Variants in THSD7B observed in about 807,000 individuals in gnomAD.
THSD7B encodes the protein thrombospondin type-1 domain-containing protein 7B.
A neutral mutation model predicts 213.6 loss-of-function variants in THSD7B; 138 were observed. The ratio of observed to expected loss-of-function variants is 0.65; its 90% CI spans 0.56 to 0.74. THSD7B has a LOEUF of 0.74. THSD7B is among the 30% of genes least tolerant of loss of function. The pLI is 0.00. For synonymous variants in THSD7B, 742 were observed against 687.0 expected (o/e 1.08, Z -1.25); for missense variants, 1,931 against 1,991.5 (o/e 0.97, Z 0.58).
intron 27 of THSD7B, among the ~76,000 whole-genome samples, chr2:137,675,366 C>CA (rs1278521493): frequency 4.2e-5 from 6 of 141,870 alleles, no homozygotes; most frequent in South Asian, 2.2e-4. Context: ...TATGTGCAGA[C>CA]AAAAAATGTC....
At chr2:137,432,773 T>G (rs1687213594) in intron 14 of THSD7B, among the ~76,000 whole-genome samples, 1 of 152,232 alleles carries the variant, frequency 6.6e-6, no homozygotes, top group Admixed American at 6.5e-5. Flanking sequence ...CTTTTTAAGG[T>G]GGACTTCTAC....
intron 2 of THSD7B, among the ~76,000 whole-genome samples, chr2:136,933,771 C>T (rs942238687): frequency 1.3e-5 from 2 of 152,136 alleles, no homozygotes; most frequent in Non-Finnish European, 2.9e-5. Context: ...ACTATATTCT[C>T]TTTTCATATT....
chr2:136,805,582 C>CT (rs1682266292), intron 1 of THSD7B, among the ~76,000 whole-genome samples: 1 of 152,040 alleles, frequency 6.6e-6, no homozygotes, highest in Non-Finnish European at 1.5e-5. Context: ...CCATCCAGTT[C>CT]GGTTCTCTCT....
intron 1 of THSD7B, among the ~76,000 whole-genome samples, chr2:136,859,064 A>G (rs563062874): frequency 4.1e-4 from 63 of 152,304 alleles, no homozygotes; most frequent in Admixed American, 8.5e-4. Flanking sequence ...AGCTGAAAAG[A>G]TCAATGAACT....
intron 24 of THSD7B, among the ~76,000 whole-genome samples, chr2:137,657,520 C>A: frequency 6.6e-6 from 1 of 151,988 alleles, no homozygotes; most frequent in East Asian, 1.9e-4. Context: ...CAGTACTCAC[C>A]TGACATAAAA....
chr2:137,287,361 T>C (rs576267559), intron 12 of THSD7B, among the ~76,000 whole-genome samples: 1 of 152,272 alleles, frequency 6.6e-6, no homozygotes, highest in South Asian at 2.1e-4. Context: ...GGATGTGTTT[T>C]ATAACACCAG....
chr2:137,565,633 C>G (rs1055675109), intron 16 of THSD7B, among the ~76,000 whole-genome samples: 19 of 152,140 alleles, frequency 1.2e-4, no homozygotes, highest in Admixed American at 3.9e-4. Flanking sequence ...ATATTCAAAC[C>G]ATATCATTCT....
chr2:137,206,738 G>T (rs569630529), intron 7 of THSD7B, among the ~76,000 whole-genome samples: 30 of 152,146 alleles, frequency 2.0e-4, no homozygotes, highest in African/African-American at 7.0e-4. Context: ...TAAGGGCGAG[G>T]ATGCATTTTG....
At chr2:137,208,871 A>G (rs1423194646) in intron 7 of THSD7B, among the ~76,000 whole-genome samples, 1 of 152,082 alleles carries the variant, frequency 6.6e-6, no homozygotes, top group East Asian at 1.9e-4. Context: ...GATCTACAAT[A>G]GCAATGCTGT....
intron 3 of THSD7B, among the ~76,000 whole-genome samples, chr2:137,065,691 A>G (rs571264777): frequency 6.6e-6 from 1 of 151,856 alleles, no homozygotes; most frequent in Non-Finnish European, 1.5e-5. Context: ...CTTTCTTAGC[A>G]TATCAGTTAT....
intron 5 of THSD7B, among the ~76,000 whole-genome samples, chr2:137,124,153 T>C (rs1688593155): frequency 6.6e-6 from 1 of 152,214 alleles, no homozygotes; most frequent in Non-Finnish European, 1.5e-5. Context: ...CTGAGACTAG[T>C]GCATTTACAA....
intron 21 of THSD7B, among the ~76,000 whole-genome samples, chr2:137,646,927 T>G (rs1372807006): frequency 6.6e-6 from 1 of 152,156 alleles, no homozygotes; most frequent in East Asian, 1.9e-4. Context: ...CTTCATGTCC[T>G]CCAAGTTGCC....
intron 20 of THSD7B, among the ~76,000 whole-genome samples, chr2:137,639,040 C>T (rs2104859264): frequency 6.6e-6 from 1 of 150,852 alleles, no homozygotes; most frequent in African/African-American, 2.4e-5. Flanking sequence ...GAAATTCAAG[C>T]CAGCTGCAGA....
chr2:137,509,557 A>G (rs1679916788), intron 15 of THSD7B, among the ~76,000 whole-genome samples: 2 of 152,100 alleles, frequency 1.3e-5, no homozygotes, highest in Admixed American at 1.3e-4. Flanking sequence ...TTATTTGAAC[A>G]TATTTTCCTC....
intron 15 of THSD7B, among the ~76,000 whole-genome samples, chr2:137,518,289 C>CT (rs1035824034): frequency 6.6e-6 from 1 of 152,164 alleles, no homozygotes; most frequent in Non-Finnish European, 1.5e-5. Flanking sequence ...AAGTGGACAG[C>CT]TGCAGCACTA....
At chr2:137,525,086 G>T (rs922352585) in intron 15 of THSD7B, among the ~76,000 whole-genome samples, 3 of 152,132 alleles carry the variant, frequency 2.0e-5, no homozygotes, top group African/African-American at 7.2e-5. Flanking sequence ...CACAATCTTT[G>T]ACATTTAGTT....
At chr2:137,238,877 G>GT (rs1681837153) in intron 9 of THSD7B, among the ~76,000 whole-genome samples, 1 of 151,928 alleles carries the variant, frequency 6.6e-6, no homozygotes, top group Non-Finnish European at 1.5e-5. Context: ...TCTTTCTCTT[G>GT]TTATGCTCAT....
At chr2:137,531,350 A>C (rs979889923) in intron 15 of THSD7B, among the ~76,000 whole-genome samples, 4 of 151,970 alleles carry the variant, frequency 2.6e-5, no homozygotes, top group Admixed American at 2.0e-4. Context: ...TGCCCTTGAC[A>C]CATCGTTTTG....
At chr2:137,228,109 G>A (rs1185127879) in intron 7 of THSD7B, among the ~76,000 whole-genome samples, 1 of 150,796 alleles carries the variant, frequency 6.6e-6, no homozygotes, top group Non-Finnish European at 1.5e-5. Context: ...ATTGAGTCTG[G>A]CTAGACACAT....
Sources: gnomAD v4.1 joint callset for allele counts (sites outside exome capture counted in the v4.1 genomes callset) on GRCh38, gnomAD v4.1.1 for gene constraint, MANE v1.5 for transcripts, NCBI Gene and HGNC (gene_info 2026-07-23, HGNC 2026-07-21) for gene names.